The following LSAMP variants were observed in gnomAD, a reference collection of about 807,000 sequenced individuals.
LSAMP encodes the protein limbic system-associated membrane protein.
Under a neutral mutation model 38.6 loss-of-function variants are expected in LSAMP, and 7 were observed. The ratio of observed to expected loss-of-function variants is 0.18; its 90% CI spans 0.10 to 0.34. The LOEUF (loss-of-function observed/expected upper bound fraction) is 0.34, where lower values mean the gene tolerates loss of function less well. Among genes scored for constraint, LSAMP ranks in the 10% least tolerant of loss-of-function variants. The pLI, the probability that LSAMP is intolerant of heterozygous loss-of-function variation, is 1.00. For missense variants in LSAMP, 313 were observed against 420.0 expected (o/e 0.75, Z 2.23); for synonymous variants, 154 against 166.8 (o/e 0.92, Z 0.59).
chr3:116,401,865 T>C (rs2048844923), intron 1 of LSAMP, among the ~76,000 whole-genome samples: 1 of 152,146 alleles, frequency 6.6e-6, no homozygotes, highest in African/African-American at 2.4e-5. Context: ...TAGATTGTTA[T>C]ATTCTTGAGA....
At chr3:116,057,749 A>G (rs144903439) in intron 2 of LSAMP, among the ~76,000 whole-genome samples, 1,952 of 152,166 alleles carry the variant, frequency 0.013, 23 homozygotes, top group Non-Finnish European at 0.018. Context: ...GAACTTCCAG[A>G]TTCAATCATG....
Position 115,834,572 on chromosome 3 carries a change from G to A in LSAMP, c.919+7273C>T, listed in dbSNP as rs187049025. 82 of 1,276,266 alleles carry A rather than the reference G, an allele frequency of 6.4e-5. 2 individuals are homozygous for A. In the East Asian group the frequency reaches 2.6e-3, roughly 41 times the overall value. The allele number at this position is 1,276,266 out of a possible 1,614,324, so 79.1% of individuals were successfully genotyped here. A position where few individuals can be genotyped will look rare whatever the true frequency, so the allele number is the denominator to read the frequency against. On this transcript the variant is annotated intron_variant, in intron 6 of 6. Transcript: ENST00000490035. ...AAAAATCATACTGACCTTGAATGGG[G>A]TGGGGGATTGTGGGTAAAACACGTT... is the stretch of plus-strand genomic sequence containing the variant.
chr3:116,052,899 C>T (rs982947278), intron 2 of LSAMP, among the ~76,000 whole-genome samples: 1 of 152,146 alleles, frequency 6.6e-6, no homozygotes, highest in Non-Finnish European at 1.5e-5. Context: ...TGAAGCAAAA[C>T]TTGGTTTCAT....
chr3:115,850,121 A>G (rs1935283629), intron 4 of LSAMP, among the ~76,000 whole-genome samples: 1 of 152,208 alleles, frequency 6.6e-6, no homozygotes, highest in Non-Finnish European at 1.5e-5. Context: ...TTCACTCATC[A>G]CTAGCAAAAG....
At chr3:115,862,529 T>C (rs1935736191) in intron 3 of LSAMP, among the ~76,000 whole-genome samples, 1 of 152,214 alleles carries the variant, frequency 6.6e-6, no homozygotes, top group South Asian at 2.1e-4. Flanking sequence ...GAATGAGTTA[T>C]TTGATCCAAT....
chr3:116,076,915 A>T (rs1430627415), intron 2 of LSAMP, among the ~76,000 whole-genome samples: 3 of 151,924 alleles, frequency 2.0e-5, no homozygotes, highest in African/African-American at 7.2e-5. Context: ...TTTGTGAATG[A>T]CCATTTTTAG....
At chr3:115,989,841 C>T (rs1027891297) in intron 3 of LSAMP, among the ~76,000 whole-genome samples, 3 of 151,994 alleles carry the variant, frequency 2.0e-5, no homozygotes, top group African/African-American at 7.2e-5. Context: ...CTTAAATGAG[C>T]ACATCCAGGC....
chr3:116,321,547 T>A (rs1360475813), intron 1 of LSAMP, among the ~76,000 whole-genome samples: 1 of 151,920 alleles, frequency 6.6e-6, no homozygotes, highest in African/African-American at 2.4e-5. Context: ...GTTACTATTA[T>A]TCATGTTTTT....
intron 1 of LSAMP, among the ~76,000 whole-genome samples, chr3:116,436,666 G>A (rs998992887): frequency 6.6e-6 from 1 of 152,070 alleles, no homozygotes; most frequent in African/African-American, 2.4e-5. Context: ...CATACTCAAA[G>A]AATCAAAACA....
Position 115,804,608 on chromosome 3 carries a change from A to G in LSAMP, c.*5709T>C, listed in dbSNP as rs1465781314. 1.3e-5 allele frequency: 2 copies of G among 152,006 alleles called. No homozygotes were observed. The highest frequency in any genetic ancestry group is 1.3e-4 in the Admixed American group (2 of 15,248). The allele number at this position is 152,006 out of a possible 1,614,324, so 9.4% of individuals were successfully genotyped here. On this transcript the variant is annotated 3_prime_UTR_variant, in exon 7 of 7. Transcript: ENST00000490035. ...TTTTTTCTTTTTTTTTCTCTTAGGT[A>G]GATTAGTGCATTTAAAGCCTGAAGT...
intron 1 of LSAMP, among the ~76,000 whole-genome samples, chr3:116,222,720 CTTTTTTTTTTTTTTTTTT>C (rs71141863): frequency 6.2e-4 from 31 of 49,938 alleles, no homozygotes; most frequent in African/African-American, 2.4e-3. Context: ...TCATCCTCTC[CTTTTTTTTTTTTTTTTTT>C]TTTTTTTTTT....
chr3:116,413,941 T>G (rs1455769699), intron 1 of LSAMP, among the ~76,000 whole-genome samples: 1 of 151,946 alleles, frequency 6.6e-6, no homozygotes, highest in East Asian at 1.9e-4. Context: ...AAACTGCTTT[T>G]TGCAATCAGT....
intron 1 of LSAMP, among the ~76,000 whole-genome samples, chr3:116,339,368 T>A (rs1270798042): frequency 1.3e-5 from 2 of 151,318 alleles, no homozygotes; most frequent in East Asian, 3.9e-4. Context: ...TAGCCATGGT[T>A]AAGAGCCATA....
chr3:116,285,109 T>G (rs931300040), intron 1 of LSAMP, among the ~76,000 whole-genome samples: 1 of 152,176 alleles, frequency 6.6e-6, no homozygotes. Context: ...ACGACTGGTT[T>G]GAAGCTTGAG....
intron 2 of LSAMP, among the ~76,000 whole-genome samples, chr3:116,067,195 A>C (rs1465027129): frequency 6.6e-6 from 1 of 152,164 alleles, no homozygotes; most frequent in East Asian, 1.9e-4. Context: ...ATGATGCCTT[A>C]GTGTCTGAGC....
Position 116,198,777 on chromosome 3 carries a change from A to AAAAAAAAAAAAAG in LSAMP, c.156-112222_156-112221insCTTTTTTTTTTTT, listed in dbSNP as rs1229439634. Among the ~76,000 whole-genome samples the AAAAAAAAAAAAAG allele has an allele frequency of 3.6e-3, 533 of 147,428 alleles. 11 individuals are homozygous for AAAAAAAAAAAAAG. Among genetic ancestry groups the AAAAAAAAAAAAAG allele is most frequent in the African/African-American group, 0.013 (504 of 39,974 alleles). On this transcript the variant is annotated intron_variant, in intron 1 of 6. Coordinates refer to ENST00000490035, the MANE Select transcript of LSAMP (RefSeq NM_002338.5). Reference sequence around the variant, plus strand: ...CAGAGCAAGACTCCGTCTCAGAAAAAAAAAGAAAATCAGAACTGGACTGGG... The same window carrying AAAAAAAAAAAAAG: ...CAGAGCAAGACTCCGTCTCAGAAAAAAAAAAAAAAAAAGAAAAGAAAATCAGAACTGGACTGGG...
chr3:116,349,391 T>A (rs115953078), intron 1 of LSAMP, among the ~76,000 whole-genome samples: 1,941 of 151,948 alleles, frequency 0.013, 34 homozygotes, highest in African/African-American at 0.044. Flanking sequence ...TGGATTTTTT[T>A]AATATGAGAA....
chr3:116,259,519 G>A (rs1230211100), intron 1 of LSAMP, among the ~76,000 whole-genome samples: 1 of 152,050 alleles, frequency 6.6e-6, no homozygotes, highest in Non-Finnish European at 1.5e-5. Context: ...ATAATTATAT[G>A]TGTTTGTGTC....
intron 1 of LSAMP, among the ~76,000 whole-genome samples, chr3:116,124,320 A>G (rs1264562689): frequency 6.6e-6 from 1 of 152,168 alleles, no homozygotes; most frequent in Non-Finnish European, 1.5e-5. Context: ...ACTGCTTCTC[A>G]TTCATGAAAA....
Sources: gnomAD v4.1 joint callset for allele counts (sites outside exome capture counted in the v4.1 genomes callset) on GRCh38, gnomAD v4.1.1 for gene constraint, MANE v1.5 for transcripts, NCBI Gene and HGNC (gene_info 2026-07-23, HGNC 2026-07-21) for gene names.